The following KCNIP4 variants were observed in gnomAD, a reference collection of about 807,000 sequenced individuals.
KCNIP4 encodes Kv channel-interacting protein 4.
A neutral mutation model predicts 34.0 loss-of-function variants in KCNIP4; 12 were observed. The observed-to-expected ratio is 0.35, with a 90% CI of 0.23 to 0.57. KCNIP4 has a LOEUF of 0.57. Among genes scored for constraint, KCNIP4 ranks in the 20% least tolerant of loss-of-function variants. The pLI is 0.83. For missense variants in KCNIP4, 238 were observed against 311.7 expected, an observed-to-expected ratio of 0.76 and a Z score of 1.78; for synonymous variants, 124 against 102.2, an observed-to-expected ratio of 1.21 and a Z score of -1.29.
chr4:20,891,476 G>A (rs758430695), intron 1 of KCNIP4, among the ~76,000 whole-genome samples: 2 of 152,050 alleles, frequency 1.3e-5, no homozygotes, highest in Non-Finnish European at 2.9e-5. Context: ...GTGGTGGCAG[G>A]TGCCTGTAGT....
Position 21,364,543 on chromosome 4 carries a change from G to A in KCNIP4, c.62-481834C>T, listed in dbSNP as rs574893366. Among the ~76,000 whole-genome samples the A allele has an allele frequency of 1.6e-4, 24 of 152,118 alleles. No homozygotes were observed. The South Asian group carries it at 4.8e-3, about 30-fold the overall frequency. On this transcript the variant is annotated intron_variant, in intron 1 of 8. Transcript: ENST00000382152. ...AACATGTAATCCACCGGTTAAAGAT[G>A]GAAGGACCTCAGTTAGGATAGTATC...
At chr4:21,422,076 T>C (rs947888510) in intron 1 of KCNIP4, among the ~76,000 whole-genome samples, 1 of 152,216 alleles carries the variant, frequency 6.6e-6, no homozygotes, top group Non-Finnish European at 1.5e-5. Flanking sequence ...AAAGAGATGA[T>C]ATTTAGCATT....
At chr4:21,297,415 AG>A (rs1319417667) in intron 1 of KCNIP4, among the ~76,000 whole-genome samples, 3 of 152,174 alleles carry the variant, frequency 2.0e-5, no homozygotes, top group African/African-American at 7.2e-5. Flanking sequence ...TATGCCAAAA[AG>A]CAACTTCACT....
intron 1 of KCNIP4, among the ~76,000 whole-genome samples, chr4:21,131,770 T>C (rs1363829931): frequency 6.6e-6 from 1 of 152,226 alleles, no homozygotes; most frequent in East Asian, 1.9e-4. Flanking sequence ...CAGTACACTT[T>C]GGATATGTAT....
chr4:21,370,800 AATATATATATATATATAT>A (rs1173506757), intron 1 of KCNIP4, among the ~76,000 whole-genome samples: 927 of 17,950 alleles, frequency 0.052, 34 homozygotes, highest in Non-Finnish European at 0.077. Flanking sequence ...CATGGATTGA[AATATATATATATATATAT>A]ATATATATAT....
At chr4:21,352,264 T>C (rs903647172) in intron 1 of KCNIP4, among the ~76,000 whole-genome samples, 7 of 152,112 alleles carry the variant, frequency 4.6e-5, no homozygotes, top group African/African-American at 1.2e-4. Flanking sequence ...GTTCATATCA[T>C]TGGGACTGGT....
In KCNIP4 at chr4:20,729,855, G is replaced by T. The variant is rs1046518787; in HGVS notation, c.*227C>A. ...TTACTTTTGAATATTCACAGAGTATGAAATGAGTTAGACCATCCCCTGAAC... is the reference window on the plus strand; with the variant it reads ...TTACTTTTGAATATTCACAGAGTATTAAATGAGTTAGACCATCCCCTGAAC... On this transcript the variant is annotated 3_prime_UTR_variant, in exon 9 of 9. Coordinates refer to ENST00000382152, the MANE Select transcript of KCNIP4 (RefSeq NM_025221.6). 7.2e-5 allele frequency: 30 copies of T among 415,256 alleles called. No homozygotes were observed. The South Asian group carries it at 1.4e-3, about 19-fold the overall frequency. The allele number at this position is 415,256 out of a possible 1,614,324, so 25.7% of individuals were successfully genotyped here.
chr4:21,870,966 A>C (rs1290965273), intron 1 of KCNIP4, among the ~76,000 whole-genome samples: 4 of 152,214 alleles, frequency 2.6e-5, no homozygotes, highest in African/African-American at 7.2e-5. Flanking sequence ...TAAGAAAAAA[A>C]TACCAAATAC....
In KCNIP4 at chr4:21,191,294, C is replaced by A. The variant is rs139050859; in HGVS notation, c.62-308585G>T. Reference sequence around the variant, plus strand: ...TCGTGTTTATTGGAATGTTAAAATGCGTGATAGGGCGGACATTCTATTTTA... The same window carrying A: ...TCGTGTTTATTGGAATGTTAAAATGAGTGATAGGGCGGACATTCTATTTTA... On this transcript the variant is annotated intron_variant, in intron 1 of 8. Transcript: ENST00000382152. 3.5e-3 allele frequency among the ~76,000 whole-genome samples: 538 copies of A among 152,238 alleles called. 6 individuals carry two copies. The highest frequency in any genetic ancestry group is 5.8e-3 in the Non-Finnish European group (392 of 68,016).
At chr4:21,903,687 A>C (rs374801818) in intron 1 of KCNIP4, among the ~76,000 whole-genome samples, 1 of 152,184 alleles carries the variant, frequency 6.6e-6, no homozygotes, top group East Asian at 1.9e-4. Flanking sequence ...AGGAAAGATA[A>C]TAGGCTATCA....
chr4:21,107,451 G>A lies in KCNIP4; in HGVS notation c.62-224742C>T, dbSNP rs74654690. Among the ~76,000 whole-genome samples, 283 of 151,114 alleles carry A rather than the reference G, an allele frequency of 1.9e-3. 7 individuals carry two copies. In the East Asian group the frequency reaches 0.045, roughly 24 times the overall value. The stretch of plus-strand genomic sequence containing the variant: ...CCTTTTTTTTGTTTTCCATTTGCTC[G>A]GTAGATTTTCCTCCATCCTTTTATT... On this transcript the variant is annotated intron_variant, in intron 1 of 8. Transcript: ENST00000382152.
intron 1 of KCNIP4, among the ~76,000 whole-genome samples, chr4:21,816,769 CCTGA>C (rs988953043): frequency 5.9e-5 from 9 of 152,224 alleles, no homozygotes; most frequent in African/African-American, 2.2e-4. Context: ...ATACTCTATG[CCTGA>C]CTTTTAAATC....
At chr4:21,758,690 G>A (rs1374038818) in intron 1 of KCNIP4, among the ~76,000 whole-genome samples, 1 of 151,936 alleles carries the variant, frequency 6.6e-6, no homozygotes, top group African/African-American at 2.4e-5. Context: ...CATTATCTAG[G>A]CACCCTAAGC....
intron 1 of KCNIP4, among the ~76,000 whole-genome samples, chr4:20,883,021 T>G (rs1229562445): frequency 6.6e-6 from 1 of 151,246 alleles, no homozygotes; most frequent in African/African-American, 2.4e-5. Flanking sequence ...TTTTTTTTTT[T>G]TTTTTTGGCC....
intron 1 of KCNIP4, among the ~76,000 whole-genome samples, chr4:21,305,818 A>G (rs779953918): frequency 6.6e-6 from 1 of 152,210 alleles, no homozygotes; most frequent in Non-Finnish European, 1.5e-5. Context: ...CTGCCTGTCA[A>G]GCTCTTAAAA....
At chr4:21,624,448 C>A (rs1577711309) in intron 1 of KCNIP4, among the ~76,000 whole-genome samples, 1 of 152,098 alleles carries the variant, frequency 6.6e-6, no homozygotes, top group Non-Finnish European at 1.5e-5. Context: ...TGACCTTCGA[C>A]CTTGATTCTT....
At chr4:21,035,035 G>C (rs753854993) in intron 1 of KCNIP4, among the ~76,000 whole-genome samples, 4 of 152,156 alleles carry the variant, frequency 2.6e-5, no homozygotes, top group Non-Finnish European at 5.9e-5. Flanking sequence ...AGGATCCAAA[G>C]CAATTTCCTT....
chr4:21,671,638 T>C (rs1749507213), intron 1 of KCNIP4, among the ~76,000 whole-genome samples: 1 of 152,128 alleles, frequency 6.6e-6, no homozygotes, highest in Non-Finnish European at 1.5e-5. Flanking sequence ...TGTTAATGGG[T>C]TGATATGATT....
chr4:21,813,338 C>T (rs1194056518), intron 1 of KCNIP4, among the ~76,000 whole-genome samples: 2 of 152,092 alleles, frequency 1.3e-5, no homozygotes, highest in South Asian at 2.1e-4. Context: ...GTATTAACAA[C>T]ACAAATTAAA....
Sources: gnomAD v4.1 joint callset for allele counts (sites outside exome capture counted in the v4.1 genomes callset) on GRCh38, gnomAD v4.1.1 for gene constraint, MANE v1.5 for transcripts, NCBI Gene and HGNC (gene_info 2026-07-23, HGNC 2026-07-21) for gene names.